PAX7: variants seen among roughly 807,000 people sequenced by gnomAD.
The protein encoded by PAX7 is paired box 7.
In PAX7, 18 loss-of-function variants were observed where a neutral mutation model predicts 50.7. The observed-to-expected ratio is 0.36, with a 90% CI of 0.25 to 0.53. The LOEUF (loss-of-function observed/expected upper bound fraction) is 0.53. Among genes scored for constraint, PAX7 ranks in the 20% least tolerant of loss-of-function variants. The pLI, the probability that PAX7 is intolerant of heterozygous loss-of-function variation, is 0.93. For synonymous variants in PAX7, 310 were observed against 290.4 expected (o/e 1.07, Z -0.69); for missense variants, 644 against 702.9 (o/e 0.92, Z 0.95).
chr1:18,649,612 C>T (rs895230481), intron 4 of PAX7, among the ~76,000 whole-genome samples: 1 of 152,158 alleles, frequency 6.6e-6, no homozygotes, highest in Admixed American at 6.5e-5. Flanking sequence ...CACCCCACCC[C>T]GCTATCACCC....
intron 4 of PAX7, among the ~76,000 whole-genome samples, chr1:18,671,290 T>G (rs1481083340): frequency 6.6e-6 from 1 of 152,182 alleles, no homozygotes; most frequent in Non-Finnish European, 1.5e-5. Context: ...AATGAGTGCA[T>G]GAGAGACAGA....
chr1:18,649,598 C>A (rs2088400362), intron 4 of PAX7, among the ~76,000 whole-genome samples: 1 of 151,982 alleles, frequency 6.6e-6, no homozygotes, highest in Non-Finnish European at 1.5e-5. Flanking sequence ...GCCATTGCCA[C>A]ACCCACCCCA....
chr1:18,674,228 G>A (rs1162898042), intron 4 of PAX7, among the ~76,000 whole-genome samples: 1 of 152,238 alleles, frequency 6.6e-6, no homozygotes, highest in African/African-American at 2.4e-5. Context: ...TTATCTTCTT[G>A]GAGCGGAAAC....
intron 7 of PAX7, among the ~76,000 whole-genome samples, chr1:18,710,031 T>G (rs974424207): frequency 6.6e-6 from 1 of 152,254 alleles, no homozygotes; most frequent in African/African-American, 2.4e-5. Flanking sequence ...AGTACTGCCC[T>G]CCTGGCATTG....
In PAX7 at chr1:18,726,006, G is replaced by A. The variant is rs545472246; in HGVS notation, c.1156-9626G>A. 2.8e-4 allele frequency among the ~76,000 whole-genome samples: 42 copies of A among 150,732 alleles called. No individual in the cohort carries two copies. The highest frequency in any genetic ancestry group is 2.5e-3 in the East Asian group (13 of 5,144). ...TGTGTGTGTGTGTGCGCGCGCGCGC[G>A]TGCGCGCGTGTGTGTGCGTGTGTTT... On this transcript the variant is annotated intron_variant, in intron 7 of 8. Transcript: ENST00000420770. This position sits in a 1 kb window ranked among gnomAD's most constrained non-coding sequence, Gnocchi z 4.8.
chr1:18,738,155 T>C (rs2100411013), intron 8 of PAX7, among the ~76,000 whole-genome samples: 1 of 152,228 alleles, frequency 6.6e-6, no homozygotes, highest in South Asian at 2.1e-4. Flanking sequence ...TGTGTGTGTG[T>C]GTGTGAATGT....
intron 4 of PAX7, among the ~76,000 whole-genome samples, chr1:18,669,554 AC>A (rs1268176931): frequency 2.6e-5 from 4 of 152,070 alleles, no homozygotes; most frequent in African/African-American, 9.7e-5. Flanking sequence ...ATGAGTTGGG[AC>A]TAGGTTATCT....
rs545254381 is a variant in PAX7 at position 18,682,943 on chromosome 1, G to A, written c.587-8811G>A. 6.6e-5 allele frequency among the ~76,000 whole-genome samples: 10 copies of A among 152,282 alleles called. No individual in the cohort carries two copies. The South Asian group carries it at 2.1e-3, about 32-fold the overall frequency. On this transcript the variant is annotated intron_variant, in intron 4 of 8. Coordinates refer to ENST00000420770, the MANE Select transcript of PAX7 (RefSeq NM_001135254.2). ...CCCCTTCTCCACCTGTCCCTGCACAGCTGCCCAGCTGCCTGGGTGGGGCAG... is the reference window on the plus strand; with the variant it reads ...CCCCTTCTCCACCTGTCCCTGCACAACTGCCCAGCTGCCTGGGTGGGGCAG...
intron 7 of PAX7, among the ~76,000 whole-genome samples, chr1:18,714,837 A>G (rs1263022916): frequency 6.6e-6 from 1 of 152,202 alleles, no homozygotes; most frequent in East Asian, 1.9e-4. Flanking sequence ...CCAGAGCTGC[A>G]TGGCTTGGTG....
intron 4 of PAX7, among the ~76,000 whole-genome samples, chr1:18,690,733 G>T (rs2089056571): frequency 6.6e-6 from 1 of 152,252 alleles, no homozygotes; most frequent in Non-Finnish European, 1.5e-5. Flanking sequence ...GGGGATAATG[G>T]GGTGGGGTCC....
At chr1:18,675,167 T>C (rs1268452408) in intron 4 of PAX7, among the ~76,000 whole-genome samples, 1 of 152,120 alleles carries the variant, frequency 6.6e-6, no homozygotes, top group Non-Finnish European at 1.5e-5. Context: ...TGAAAGGATG[T>C]AGTGCACGAT....
intron 1 of PAX7, among the ~76,000 whole-genome samples, chr1:18,633,556 G>C (rs781438302): frequency 2.0e-5 from 3 of 152,206 alleles, no homozygotes; most frequent in Non-Finnish European, 4.4e-5. Flanking sequence ...TAATTTAGGA[G>C]CTTTGGGGCA....
At chr1:18,670,484 C>T (rs139874629) in intron 4 of PAX7, among the ~76,000 whole-genome samples, 1 of 152,322 alleles carries the variant, frequency 6.6e-6, no homozygotes, top group Non-Finnish European at 1.5e-5. Flanking sequence ...CCCCTCCCAC[C>T]TCCTCGGCTG....
At chr1:18,712,751 G>A (rs927078009) in intron 7 of PAX7, among the ~76,000 whole-genome samples, 2 of 152,170 alleles carry the variant, frequency 1.3e-5, no homozygotes, top group African/African-American at 4.8e-5. Context: ...CCACCTATCT[G>A]AGTCCGAACA....
rs1436548269 is a variant in PAX7, at chr1:18,636,102, T to A, written c.452-135T>A. The A allele has an allele frequency of 2.2e-6, 2 of 896,200 alleles. No individual in the cohort carries two copies. The highest frequency in any genetic ancestry group is 3.5e-6 in the Non-Finnish European group (2 of 572,784). The allele number at this position is 896,200 out of a possible 1,614,324, so 55.5% of individuals were successfully genotyped here. A position where few individuals can be genotyped will look rare whatever the true frequency, so the allele number is the denominator to read the frequency against. The stretch of plus-strand genomic sequence containing the variant: ...GAGTACGTGTCAATGCCTAAATGCC[T>A]GTGTGTGGAAGAGGGATGAATGGAT... On this transcript the variant is annotated intron_variant, in intron 3 of 8. Transcript: ENST00000420770. This position sits in a 1 kb window ranked among gnomAD's most constrained non-coding sequence, Gnocchi z 5.1.
Position 18,745,015 on chromosome 1 carries a change from C to T in PAX7, c.*86C>T, listed in dbSNP as rs1461201767. The T allele has an allele frequency of 5.1e-6, 4 of 782,032 alleles. No homozygotes were observed. Among genetic ancestry groups the T allele is most frequent in the Non-Finnish European group, 6.4e-6 (3 of 466,880 alleles). The allele number at this position is 782,032 out of a possible 1,614,324, so 48.4% of individuals were successfully genotyped here. ...TTCCCAGCCTTGCCGCCTCACCCCC[C>T]TGTTGTCCTAGGAGGCCAGGAAAGG... On this transcript the variant is annotated 3_prime_UTR_variant, in exon 9 of 9. Transcript: ENST00000420770.
At chr1:18,739,473 A>G (rs975003611) in intron 8 of PAX7, among the ~76,000 whole-genome samples, 4 of 152,246 alleles carry the variant, frequency 2.6e-5, no homozygotes, top group African/African-American at 4.8e-5. Flanking sequence ...CCATTTATTG[A>G]GCATCTACTA....
intron 8 of PAX7, among the ~76,000 whole-genome samples, chr1:18,738,152 G>C (rs1265480998): frequency 6.6e-6 from 1 of 152,162 alleles, no homozygotes; most frequent in East Asian, 1.9e-4. Flanking sequence ...CTGTGTGTGT[G>C]TGTGTGTGAA....
chr1:18,731,377 T>C (rs2089645065), intron 7 of PAX7, among the ~76,000 whole-genome samples: 1 of 152,214 alleles, frequency 6.6e-6, no homozygotes, highest in Non-Finnish European at 1.5e-5. Context: ...CCAGCACAGC[T>C]GGTGGCAGGG....
Sources: allele counts gnomAD v4.1 joint callset (sites outside exome capture counted in the v4.1 genomes callset), GRCh38; gene constraint gnomAD v4.1.1; non-coding constraint Gnocchi (gnomAD v3.1); transcripts MANE v1.5; gene names NCBI Gene and HGNC (gene_info 2026-07-23, HGNC 2026-07-21).